ARHGAP29: variants seen among roughly 807,000 people sequenced by gnomAD.
The protein encoded by ARHGAP29 is Rho GTPase activating protein 29.
A neutral mutation model predicts 122.6 loss-of-function variants in ARHGAP29; 43 were observed. The ratio of observed to expected loss-of-function variants is 0.35; its 90% CI spans 0.27 to 0.45. The LOEUF is 0.45. Ranked by LOEUF, ARHGAP29 falls within the 20% of genes least tolerant of loss-of-function variation. The probability of loss-of-function intolerance (pLI) is 1.00; values close to 1 mark genes in which losing one functional copy is unlikely to be tolerated. For synonymous variants in ARHGAP29, 506 were observed against 497.1 expected (o/e 1.02, Z -0.24); for missense variants, 1,303 against 1,477.2 (o/e 0.88, Z 1.93).
the ARHGAP29 span, among the ~76,000 whole-genome samples, chr1:94,287,234 T>C: frequency 6.6e-6 from 1 of 152,186 alleles, no homozygotes; most frequent in African/African-American, 2.4e-5. Context: ...CCCACCCAAA[T>C]CTCATCTGGA....
intron 19 of ARHGAP29, among the ~76,000 whole-genome samples, chr1:94,182,841 C>CAA (rs995672914): frequency 2.0e-5 from 3 of 151,830 alleles, no homozygotes; most frequent in African/African-American, 7.3e-5. Context: ...CAAAACAAAA[C>CAA]AAAACAAAAC....
Position 94,171,853 on chromosome 1 carries a change from AT to A in ARHGAP29, c.*2015del, listed in dbSNP as rs1490216412. On this transcript the variant is annotated 3_prime_UTR_variant, in exon 23 of 23. Transcript: ENST00000260526. ...GAGAACTGAAGAAGTTTAAAAGTAC[AT>A]TTTCTAAGTTTTAGTATAGGATGAT... 5.3e-5 allele frequency: 8 copies of A among 152,084 alleles called. No individual in the cohort carries two copies. Among genetic ancestry groups the A allele is most frequent in the Non-Finnish European group, 1.0e-4 (7 of 68,006 alleles). The allele number at this position is 152,084 out of a possible 1,614,324, so 9.4% of individuals were successfully genotyped here. A position where few individuals can be genotyped will look rare whatever the true frequency, so the allele number is the denominator to read the frequency against.
At chr1:94,233,645 A>C (rs920369755) in intron 1 of ARHGAP29, among the ~76,000 whole-genome samples, 3 of 152,134 alleles carry the variant, frequency 2.0e-5, no homozygotes, top group Non-Finnish European at 4.4e-5. Context: ...ATGGAGACAC[A>C]CCTGCTGGCT....
In ARHGAP29 at chr1:94,231,542, T is replaced by C. The variant is rs2101614705; in HGVS notation, c.70A>G (p.Ile24Val). Residue 24 changes from isoleucine to valine, a missense_variant, in exon 2 of 23, where the codon ATT becomes GTT. Ile to Val is a conservative substitution (Grantham distance 29). Coordinates refer to ENST00000260526, the MANE Select transcript of ARHGAP29 (RefSeq NM_004815.4). ...TTGAGCCCCATTTCAGAAGTTGTAA[T>C]ATCAGTAGAGAGTTGACCTGATGCC... ...AWASGQLSTD[I>V]TTSEMGLKSL... The C allele has an allele frequency of 6.2e-7, 1 of 1,613,856 alleles. No homozygotes were observed. Among genetic ancestry groups the C allele is most frequent in the South Asian group, 1.1e-5 (1 of 91,066 alleles).
Position 94,210,259 on chromosome 1 carries a change from G to C in ARHGAP29, c.341-909C>G, listed in dbSNP as rs113526531. 1.9e-3 allele frequency among the ~76,000 whole-genome samples: 293 copies of C among 152,248 alleles called. 2 individuals carry two copies. Among genetic ancestry groups the C allele is most frequent in the African/African-American group, 6.8e-3 (282 of 41,540 alleles). ...GAAGGAAGATAAACCTTTTGAAGAA[G>C]TCACTCTCTATTTTAAAACAGAGTT... On this transcript the variant is annotated intron_variant, in intron 3 of 22. Coordinates refer to ENST00000260526, the MANE Select transcript of ARHGAP29 (RefSeq NM_004815.4).
rs1033407577 is a variant in ARHGAP29, at chr1:94,172,586, G to A, written c.*1283C>T. ...TAGGCAACAACTGAAAAGAAGCCAC[G>A]GGAACATGAAATAATTTAACAAGTT... is the stretch of plus-strand genomic sequence containing the variant. On this transcript the variant is annotated 3_prime_UTR_variant, in exon 23 of 23. Coordinates refer to ENST00000260526, the MANE Select transcript of ARHGAP29 (RefSeq NM_004815.4). 4 of 145,000 alleles carry A rather than the reference G, an allele frequency of 2.8e-5. No homozygotes were observed. Among genetic ancestry groups the A allele is most frequent in the Admixed American group, 7.2e-5 (1 of 13,886 alleles). 9.0% of individuals were successfully genotyped at this position (145,000 alleles called of 1,614,324 possible).
At chr1:94,219,284 A>G (rs1652139075) in intron 3 of ARHGAP29, among the ~76,000 whole-genome samples, 1 of 87,630 alleles carries the variant, frequency 1.1e-5, no homozygotes, top group Non-Finnish European at 2.6e-5. Context: ...TTGCAGGTCC[A>G]TCTCCCTACC....
chr1:94,180,603 G>A (rs1649393215), intron 19 of ARHGAP29, among the ~76,000 whole-genome samples: 1 of 152,202 alleles, frequency 6.6e-6, no homozygotes, highest in African/African-American at 2.4e-5. Context: ...TGGTGAGTCA[G>A]AAGGTAGGTG....
intron 4 of ARHGAP29, 87 bp downstream of exon 4, chr1:94,209,167 G>A (rs6684237): frequency 0.99 from 1,013,218 of 1,018,788 alleles, 504,074 homozygotes; most frequent in East Asian, 1. Context: ...TTAATACTTC[G>A]TTTCCCATGT....
the ARHGAP29 span, among the ~76,000 whole-genome samples, chr1:94,299,945 AC>A: frequency 6.6e-6 from 1 of 152,112 alleles, no homozygotes; most frequent in Non-Finnish European, 1.5e-5. Flanking sequence ...TACTGGGAGA[AC>A]TAGATTTAAC....
intron 2 of ARHGAP29, among the ~76,000 whole-genome samples, chr1:94,225,063 C>A (rs1198389793): frequency 6.6e-6 from 1 of 152,044 alleles, no homozygotes; most frequent in Non-Finnish European, 1.5e-5. Flanking sequence ...TATATTTGGG[C>A]AGAAGGGTAA....
rs1648871768 is a variant in ARHGAP29, at chr1:94,173,368, A to G, written c.*501T>C. The G allele has an allele frequency of 6.5e-6, 1 of 153,042 alleles. No homozygotes were observed. Among genetic ancestry groups the G allele is most frequent in the Non-Finnish European group, 1.5e-5 (1 of 68,320 alleles). The allele number at this position is 153,042 out of a possible 1,614,324, so 9.5% of individuals were successfully genotyped here. On this transcript the variant is annotated 3_prime_UTR_variant, in exon 23 of 23. Coordinates refer to ENST00000260526, the MANE Select transcript of ARHGAP29 (RefSeq NM_004815.4). Reference sequence around the variant, plus strand: ...TAAGAGCTTACATACGTATCTTAAAAAAGCACAAATGGTGAAAGATGCACT... The same window carrying G: ...TAAGAGCTTACATACGTATCTTAAAGAAGCACAAATGGTGAAAGATGCACT...
At chr1:94,304,857 A>G in the ARHGAP29 span, among the ~76,000 whole-genome samples, 9 of 152,240 alleles carry the variant, frequency 5.9e-5, no homozygotes, top group African/African-American at 1.9e-4. Flanking sequence ...AGTTCAGGAC[A>G]TAATGATTCC....
intron 3 of ARHGAP29, among the ~76,000 whole-genome samples, chr1:94,215,261 T>C (rs1253604277): frequency 1.3e-5 from 2 of 151,646 alleles, no homozygotes; most frequent in Non-Finnish European, 2.9e-5. Context: ...AAATACTAAA[T>C]ATGTATATTT....
chr1:94,312,243 A>G, the ARHGAP29 span, among the ~76,000 whole-genome samples: 9 of 151,980 alleles, frequency 5.9e-5, no homozygotes, highest in African/African-American at 1.9e-4. Flanking sequence ...AGGATAATCA[A>G]TGAACTCCAC....
the ARHGAP29 span, among the ~76,000 whole-genome samples, chr1:94,296,466 G>A: frequency 6.6e-6 from 1 of 152,140 alleles, no homozygotes; most frequent in Non-Finnish European, 1.5e-5. Context: ...AAAGTTATAG[G>A]TAAGTACGCA....
At chr1:94,195,068 G>A (rs1050796923) in intron 12 of ARHGAP29, 1 of 152,124 alleles carries the variant, frequency 6.6e-6, no homozygotes, top group South Asian at 2.1e-4. Flanking sequence ...TATATAAAAA[G>A]ATAAAAATTG....
intron 2 of ARHGAP29, among the ~76,000 whole-genome samples, chr1:94,230,007 G>A (rs1447401079): frequency 1.3e-5 from 2 of 151,374 alleles, no homozygotes; most frequent in African/African-American, 2.4e-5. Flanking sequence ...TTAAATTGAG[G>A]CATTAAATAA....
At chr1:94,187,384 A>G (rs1256634524) in intron 15 of ARHGAP29, among the ~76,000 whole-genome samples, 1 of 152,228 alleles carries the variant, frequency 6.6e-6, no homozygotes, top group Non-Finnish European at 1.5e-5. Context: ...GCTTAAAGGT[A>G]GCTATCTAGT....
Sources: allele counts gnomAD v4.1 joint callset (sites outside exome capture counted in the v4.1 genomes callset), GRCh38; gene constraint gnomAD v4.1.1; transcripts MANE v1.5; gene names NCBI Gene and HGNC (gene_info 2026-07-23, HGNC 2026-07-21).